The following SHB variants were observed in gnomAD, a reference collection of about 807,000 sequenced individuals.
SHB encodes the protein SH2 domain-containing adapter protein B.
SHB carries 20 observed loss-of-function variants against 52.3 expected under a neutral mutation model. The observed-to-expected ratio is 0.38, with a 90% CI of 0.27 to 0.56. SHB has a LOEUF of 0.56. Among genes scored for constraint, SHB ranks in the 20% least tolerant of loss-of-function variants. The probability of loss-of-function intolerance (pLI) is 0.71; values close to 1 mark genes in which losing one functional copy is unlikely to be tolerated. For synonymous variants in SHB, 397 were observed against 316.5 expected (o/e 1.25, Z -2.70); for missense variants, 825 against 723.3 (o/e 1.14, Z -1.61).
intron 2 of SHB, 27 bp downstream of exon 2, chr9:38,015,984 G>A (rs759962990): frequency 1.9e-6 from 3 of 1,612,240 alleles, no homozygotes; most frequent in South Asian, 2.2e-5. Context: ...CCCCAGCTGT[G>A]AGCCCCTGCG....
At chr9:38,052,634 C>T (rs1821765799) in intron 1 of SHB, among the ~76,000 whole-genome samples, 1 of 152,188 alleles carries the variant, frequency 6.6e-6, no homozygotes, top group Non-Finnish European at 1.5e-5. Context: ...CCATGCCCAG[C>T]TTAGAGCCTC....
Position 37,917,556 on chromosome 9 carries a change from C to T in SHB, c.*2265G>A, listed in dbSNP as rs994967111. Among the ~76,000 whole-genome samples the T allele has an allele frequency of 6.6e-6, 1 of 152,194 alleles. No homozygotes were observed. The highest frequency in any genetic ancestry group is 6.5e-5 in the Admixed American group (1 of 15,282). ...GTGAGGTCTCACCCTCCTCCCCCGC[C>T]GGAGGGTTGTTCCCCCTCTTCCTCA... On this transcript the variant is annotated 3_prime_UTR_variant, in exon 6 of 6. Coordinates refer to ENST00000377707, the MANE Select transcript of SHB (RefSeq NM_003028.3).
intron 5 of SHB, among the ~76,000 whole-genome samples, chr9:37,941,127 A>C (rs1057343252): frequency 2.0e-5 from 3 of 152,212 alleles, no homozygotes; most frequent in Admixed American, 2.0e-4. Flanking sequence ...AATAAAATCT[A>C]GAACCCATCA....
intron 2 of SHB, among the ~76,000 whole-genome samples, chr9:37,976,047 ATTTTT>A (rs1180411181): frequency 6.6e-6 from 1 of 151,842 alleles, no homozygotes; most frequent in Non-Finnish European, 1.5e-5. Flanking sequence ...ATTTTATTTT[ATTTTT>A]TGAGATGGAG....
intron 5 of SHB, among the ~76,000 whole-genome samples, chr9:37,928,358 CA>C (rs773515823): frequency 1.4e-4 from 21 of 152,206 alleles, no homozygotes; most frequent in Non-Finnish European, 1.3e-4. Flanking sequence ...GGACAGAATC[CA>C]GGCCAAGGGT....
intron 3 of SHB, among the ~76,000 whole-genome samples, chr9:37,961,892 T>C (rs908208642): frequency 6.6e-6 from 1 of 152,194 alleles, no homozygotes; most frequent in Non-Finnish European, 1.5e-5. Context: ...GATGGGGCCA[T>C]GTGCCTCAGT....
intron 5 of SHB, among the ~76,000 whole-genome samples, chr9:37,939,083 G>A (rs1251134997): frequency 2.0e-5 from 3 of 152,106 alleles, no homozygotes; most frequent in Non-Finnish European, 4.4e-5. Flanking sequence ...CACTGCCCTA[G>A]TCCTTCTCTC....
intron 1 of SHB, among the ~76,000 whole-genome samples, chr9:38,037,379 G>A (rs1821502018): frequency 1.3e-5 from 2 of 152,252 alleles, no homozygotes; most frequent in Middle Eastern, 3.4e-3. Flanking sequence ...CCAGTCACAC[G>A]CAGAGTCACC....
intron 2 of SHB, among the ~76,000 whole-genome samples, chr9:38,012,758 T>C (rs1312462093): frequency 6.6e-6 from 1 of 150,724 alleles, no homozygotes; most frequent in East Asian, 2.0e-4. Flanking sequence ...GGCACAGCCT[T>C]CTTGTCAGCG....
intron 5 of SHB, among the ~76,000 whole-genome samples, chr9:37,946,367 T>C (rs1457855673): frequency 2.6e-5 from 4 of 152,210 alleles, no homozygotes; most frequent in Non-Finnish European, 5.9e-5. Context: ...TGAGCTGACA[T>C]CTGGGCCTGC....
rs1337656216 is a variant in SHB at position 38,069,039 on chromosome 9, C to T, written c.-394G>A. 1 of 151,758 alleles carries T rather than the reference C, an allele frequency of 6.6e-6. No homozygotes were observed. Among genetic ancestry groups the T allele is most frequent in the African/African-American group, 2.4e-5 (1 of 41,366 alleles). The allele number at this position is 151,758 out of a possible 1,614,324, so 9.4% of individuals were successfully genotyped here. On this transcript the variant is annotated 5_prime_UTR_variant, in exon 1 of 6. Coordinates refer to ENST00000377707, the MANE Select transcript of SHB (RefSeq NM_003028.3). ...CGCAGCCTCCGCCTTGGCCGGGATC[C>T]GCGGCTGCCGCGGGAACTTCTCGGC...
intron 5 of SHB, among the ~76,000 whole-genome samples, chr9:37,943,338 AGTGTCTTC>A (rs1198849884): frequency 1.3e-5 from 2 of 152,092 alleles, no homozygotes; most frequent in Non-Finnish European, 2.9e-5. Context: ...TATAGGTGTA[AGTGTCTTC>A]CTTTCCTTGT....
rs77844281 is a variant in SHB, at chr9:38,019,923, G to C, written c.718-3792C>G. Among the ~76,000 whole-genome samples, 1,090 of 152,296 alleles carry C rather than the reference G, an allele frequency of 7.2e-3. 17 individuals are homozygous for C. Among genetic ancestry groups the C allele is most frequent in the African/African-American group, 0.025 (1,039 of 41,556 alleles). On this transcript the variant is annotated intron_variant, in intron 1 of 5. Coordinates refer to ENST00000377707, the MANE Select transcript of SHB (RefSeq NM_003028.3). ...AATTTAAAAAAAGCAGTTGCTCTGT[G>C]TGAGCTGGCACAGCACTCCATGACA...
chr9:37,919,929 C>A lies in SHB; in HGVS notation c.1422G>T (p.Pro474=). 6.2e-7 allele frequency: 1 copy of A among 1,614,092 alleles called. No homozygotes were observed. Among genetic ancestry groups the A allele is most frequent in the Non-Finnish European group, 8.5e-7 (1 of 1,179,942 alleles). ...EKYVLGQNSP[P]FDSVPEVIHY... ...GGATGACTTCCGGGACACTGTCGAA[C>A]GGAGGGCTGTTCTGACCCAGAACGT... The change falls in exon 6 of 6, where the codon CCG becomes CCT. Residue 474 remains proline, a synonymous_variant. Coordinates refer to ENST00000377707, the MANE Select transcript of SHB (RefSeq NM_003028.3).
intron 2 of SHB, among the ~76,000 whole-genome samples, chr9:37,999,692 T>C (rs971390619): frequency 2.0e-5 from 3 of 152,182 alleles, no homozygotes; most frequent in African/African-American, 7.2e-5. Flanking sequence ...GGGAGGCTTC[T>C]GTGTTCTGGG....
intron 5 of SHB, among the ~76,000 whole-genome samples, 188 bp from the exon 6 acceptor site, chr9:37,920,192 C>T (rs139336706): frequency 1.7e-3 from 263 of 152,148 alleles, no homozygotes; most frequent in African/African-American, 6.1e-3. Flanking sequence ...CCCCCAATTC[C>T]GGCATCTGAC....
At chr9:38,034,949 G>A (rs946754847) in intron 1 of SHB, among the ~76,000 whole-genome samples, 2 of 152,118 alleles carry the variant, frequency 1.3e-5, no homozygotes, top group African/African-American at 4.8e-5. Context: ...TGCCCACCTC[G>A]GCCTCCCAAA....
At chr9:37,948,849 C>T (rs1424131950) in intron 4 of SHB, 95 bp from the exon 5 acceptor site, 3 of 1,516,908 alleles carry the variant, frequency 2.0e-6, no homozygotes, top group Non-Finnish European at 2.7e-6. Flanking sequence ...AGAGAGCCTC[C>T]CTGTACAAGC....
rs955226686 is a variant in SHB, at chr9:37,924,256, G to A, written c.1347-4252C>T. Among the ~76,000 whole-genome samples, 27 of 152,180 alleles carry A rather than the reference G, an allele frequency of 1.8e-4. 1 individual carries two copies. Among genetic ancestry groups the A allele is most frequent in the African/African-American group, 4.8e-5 (2 of 41,444 alleles). ...CAGGATTATCAAATGTGCCGGGCAC[G>A]CAGGGCTAATAACAGGCCCCACCTT... On this transcript the variant is annotated intron_variant, in intron 5 of 5. Coordinates refer to ENST00000377707, the MANE Select transcript of SHB (RefSeq NM_003028.3).
Sources: gnomAD v4.1 joint callset for allele counts (sites outside exome capture counted in the v4.1 genomes callset) on GRCh38, gnomAD v4.1.1 for gene constraint, MANE v1.5 for transcripts, NCBI Gene and HGNC (gene_info 2026-07-23, HGNC 2026-07-21) for gene names.